TANC1: variants seen among roughly 807,000 people sequenced by gnomAD.
TANC1 encodes tetratricopeptide repeat, ankyrin repeat and coiled-coil containing 1.
TANC1 carries 77 observed loss-of-function variants against 149.7 expected under a neutral mutation model. The ratio of observed to expected loss-of-function variants is 0.51; its 90% CI spans 0.43 to 0.62. TANC1 has a LOEUF of 0.62. TANC1 is among the 20% of genes least tolerant of loss of function. The pLI, the probability that TANC1 is intolerant of heterozygous loss-of-function variation, is 0.00. For synonymous variants in TANC1, 854 were observed against 925.0 expected, an observed-to-expected ratio of 0.92 and a Z score of 1.39; for missense variants, 1,985 against 2,321.8, an observed-to-expected ratio of 0.85 and a Z score of 2.98.
At chr2:159,166,488 T>C (rs2054611030) in intron 8 of TANC1, among the ~76,000 whole-genome samples, 1 of 152,200 alleles carries the variant, frequency 6.6e-6, no homozygotes, top group Admixed American at 6.5e-5. Flanking sequence ...TGTGTGTGTG[T>C]GCACAACAAG....
intron 4 of TANC1, 149 bp from the exon 5 acceptor site, chr2:159,136,045 T>TGTGC (rs1553568352): frequency 3.7e-5 from 4 of 107,798 alleles, no homozygotes; most frequent in Non-Finnish European, 8.1e-5. Flanking sequence ...TGTGTGTGTG[T>TGTGC]GTGTGCGCGC....
chr2:159,230,638 A>G lies in TANC1; in HGVS notation c.5212A>G (p.Asn1738Asp). The change falls in exon 27 of 27, where the codon AAT becomes GAT. Residue 1738 changes from asparagine (N) to aspartate (D), a missense_variant. Physicochemically the swap from Asn to Asp is conservative, Grantham distance 23. Around this residue, in one of 3 missense-constraint regions of TANC1, gnomAD observed 920 missense variants for 994.7 expected, o/e 0.92. Coordinates refer to ENST00000263635, the MANE Select transcript of TANC1 (RefSeq NM_033394.3). The surrounding 1 kb of genome is among the most constrained non-coding windows in gnomAD (Gnocchi z 4.4). Reference sequence around the variant, plus strand: ...GACTGCGAGGTTCCAACAGCAGAGCAATCCTCCAAGCCGCAGCTGGCACTG... The same window carrying G: ...GACTGCGAGGTTCCAACAGCAGAGCGATCCTCCAAGCCGCAGCTGGCACTG... ...DKTARFQQQS[N>D]PPSRSWHCPA... 6.2e-7 allele frequency: 1 copy of G among 1,614,228 alleles called. No homozygotes were observed. Among genetic ancestry groups the G allele is most frequent in the Non-Finnish European group, 8.5e-7 (1 of 1,180,046 alleles).
Position 159,219,978 on chromosome 2 carries a change from GT to G in TANC1, c.3678+112del, listed in dbSNP as rs2059591910. On this transcript the variant is annotated intron_variant, in intron 22 of 26. Transcript: ENST00000263635. ...GGTTGTGTCTCAGTGTCATCAGAGA[GT>G]GTGTGTGTGTGTGTGTGTGTGTGTG... The G allele has an allele frequency of 6.2e-5, 10 of 162,546 alleles. No individual in the cohort carries two copies. In the East Asian group the frequency reaches 1.6e-3, roughly 26 times the overall value. The allele number at this position is 162,546 out of a possible 1,614,324, so 10.1% of individuals were successfully genotyped here.
At chr2:159,091,189 C>T (rs577727023) in intron 3 of TANC1, among the ~76,000 whole-genome samples, 14 of 152,284 alleles carry the variant, frequency 9.2e-5, no homozygotes, top group Admixed American at 6.5e-5. Flanking sequence ...ACAGTGGACT[C>T]TGGATCCCGC....
chr2:159,005,324 C>T (rs2149346454), intron 2 of TANC1, among the ~76,000 whole-genome samples: 1 of 152,288 alleles, frequency 6.6e-6, no homozygotes, highest in Admixed American at 6.5e-5. Context: ...GGTGTGGTGG[C>T]TTATGCCTAT....
At chr2:159,154,656 A>G (rs2053228611) in intron 7 of TANC1, among the ~76,000 whole-genome samples, 1 of 152,232 alleles carries the variant, frequency 6.6e-6, no homozygotes, top group Non-Finnish European at 1.5e-5. Flanking sequence ...ATGTCTTTAG[A>G]AGTATAATAA....
intron 24 of TANC1, chr2:159,227,540 G>A: frequency 2.5e-6 from 1 of 398,284 alleles, no homozygotes; most frequent in South Asian, 4.4e-5. Context: ...CATTAAGTTT[G>A]GTAATTATCA....
intron 2 of TANC1, among the ~76,000 whole-genome samples, chr2:159,034,042 C>T (rs750733616): frequency 1.3e-5 from 2 of 152,212 alleles, no homozygotes; most frequent in Non-Finnish European, 2.9e-5. Context: ...TTCCTCACAT[C>T]TGAAAACCAT....
In TANC1 at chr2:159,170,696, C is replaced by T. The variant is rs764706399; in HGVS notation, c.1242C>T (p.Gly414=). 1 of 1,614,016 alleles carries T rather than the reference C, an allele frequency of 6.2e-7. No homozygotes were observed. The highest frequency in any genetic ancestry group is 1.7e-5 in the Admixed American group (1 of 59,994). The change falls in exon 10 of 27, where the codon GGC becomes GGT. Residue 414 remains glycine, a synonymous_variant. Coordinates refer to ENST00000263635, the MANE Select transcript of TANC1 (RefSeq NM_033394.3). ...LAENRGAVVV[G]NVGFGKTAII... Reference sequence around the variant, plus strand: ...AAAACAGAGGCGCGGTGGTGGTTGGCAATGTGGGATTTGGGAAGACGGCAA... The same window carrying T: ...AAAACAGAGGCGCGGTGGTGGTTGGTAATGTGGGATTTGGGAAGACGGCAA...
intron 3 of TANC1, among the ~76,000 whole-genome samples, chr2:159,066,719 G>T (rs1327968119): frequency 6.6e-6 from 1 of 152,146 alleles, no homozygotes; most frequent in Non-Finnish European, 1.5e-5. Flanking sequence ...AACAGGTGGA[G>T]CCCCACTTAA....
intron 1 of TANC1, among the ~76,000 whole-genome samples, chr2:158,987,629 C>T (rs543596742): frequency 2.6e-5 from 4 of 152,304 alleles, no homozygotes; most frequent in African/African-American, 9.6e-5. Context: ...GGTTCCCCTT[C>T]CCCTCTGTCA....
intron 16 of TANC1, among the ~76,000 whole-genome samples, chr2:159,189,333 T>A (rs993917862): frequency 2.0e-5 from 3 of 152,122 alleles, no homozygotes; most frequent in Non-Finnish European, 4.4e-5. Flanking sequence ...CGGCATGAGG[T>A]GTCCCTGCTG....
intron 2 of TANC1, among the ~76,000 whole-genome samples, chr2:159,007,334 C>G (rs1457210052): frequency 6.6e-6 from 1 of 152,044 alleles, no homozygotes; most frequent in East Asian, 1.9e-4. Context: ...TTAATAGAGA[C>G]AGGGTTTTTC....
intron 22 of TANC1, among the ~76,000 whole-genome samples, chr2:159,223,926 G>C (rs185213779): frequency 3.9e-5 from 6 of 152,284 alleles, no homozygotes; most frequent in African/African-American, 1.4e-4. Context: ...ACTATGTCCC[G>C]TCTCTGTGGC....
intron 2 of TANC1, among the ~76,000 whole-genome samples, chr2:159,060,378 T>C (rs1002905265): frequency 1.3e-5 from 2 of 152,154 alleles, no homozygotes; most frequent in African/African-American, 4.8e-5. Flanking sequence ...GTTTAGGTAT[T>C]TGGGGTAACT....
At chr2:159,119,800 A>G (rs2048662703) in intron 4 of TANC1, among the ~76,000 whole-genome samples, 2 of 152,070 alleles carry the variant, frequency 1.3e-5, no homozygotes, top group Non-Finnish European at 2.9e-5. Flanking sequence ...TGTGAGTGCA[A>G]TTTGTCCTTT....
At chr2:159,161,797 C>G (rs1213888179) in intron 7 of TANC1, among the ~76,000 whole-genome samples, 1 of 152,210 alleles carries the variant, frequency 6.6e-6, no homozygotes, top group East Asian at 1.9e-4. Context: ...TAACGATGGG[C>G]ACCCAAAATC....
chr2:159,057,492 A>G (rs1181742807), intron 2 of TANC1, among the ~76,000 whole-genome samples: 1 of 152,238 alleles, frequency 6.6e-6, no homozygotes, highest in Non-Finnish European at 1.5e-5. Flanking sequence ...TTGGAAAATT[A>G]GGTTGTAACC....
chr2:159,004,389 A>G, intron 2 of TANC1: 2 of 1,233,146 alleles, frequency 1.6e-6, no homozygotes, highest in Non-Finnish European at 2.4e-6. Flanking sequence ...CCAAAGTTTT[A>G]CAGACACAGA....
Sources: allele counts gnomAD v4.1 joint callset (sites outside exome capture counted in the v4.1 genomes callset), GRCh38; gene constraint gnomAD v4.1.1; regional missense constraint gnomAD v4.1.1; non-coding constraint Gnocchi (gnomAD v3.1); transcripts MANE v1.5; gene names NCBI Gene and HGNC (gene_info 2026-07-23, HGNC 2026-07-21).